Variants in KIF1B observed in about 807,000 individuals in gnomAD.
KIF1B encodes the protein kinesin-like protein KIF1B.
KIF1B carries 76 observed loss-of-function variants against 241.9 expected under a neutral mutation model. The ratio of observed to expected loss-of-function variants is 0.31; its 90% CI spans 0.26 to 0.38. The LOEUF is 0.38. KIF1B is among the 10% of genes least tolerant of loss of function. KIF1B has a pLI of 1.00. For synonymous variants in KIF1B, 750 were observed against 796.7 expected (o/e 0.94, Z 0.99); for missense variants, 1,622 against 2,271.4 (o/e 0.71, Z 5.81).
Position 10,367,583 on chromosome 1 carries a change from G to T in KIF1B, c.4753-884G>T, listed in dbSNP as rs556168245. ...GGAGTCTTGCTCTGTGGCCCACGCTGGAGTGCAGTGGTGCGATCTCGGCTC... is the reference window on the plus strand; with the variant it reads ...GGAGTCTTGCTCTGTGGCCCACGCTTGAGTGCAGTGGTGCGATCTCGGCTC... On this transcript the variant is annotated intron_variant, in intron 43 of 48. Coordinates refer to ENST00000676179, the MANE Select transcript of KIF1B (RefSeq NM_001365951.3). Among the ~76,000 whole-genome samples the T allele has an allele frequency of 1.3e-4, 19 of 150,358 alleles. No individual in the cohort carries two copies. In the South Asian group the frequency reaches 4.0e-3, roughly 32 times the overall value.
At chr1:10,339,267 G>GA (rs921761656) in intron 31 of KIF1B, among the ~76,000 whole-genome samples, 1 of 152,034 alleles carries the variant, frequency 6.6e-6, no homozygotes, top group Non-Finnish European at 1.5e-5. Flanking sequence ...TGCTATTAAG[G>GA]AAAAAAACAT....
intron 22 of KIF1B, among the ~76,000 whole-genome samples, chr1:10,313,756 T>TA (rs1301901192): frequency 2.0e-5 from 3 of 150,898 alleles, no homozygotes; most frequent in Admixed American, 1.3e-4. Flanking sequence ...TTCACCGTGT[T>TA]AGCCAGGATG....
chr1:10,375,960 C>A (rs926566140), intron 48 of KIF1B, among the ~76,000 whole-genome samples: 2 of 150,188 alleles, frequency 1.3e-5, no homozygotes, highest in Admixed American at 1.3e-4. Flanking sequence ...CCACACCCAG[C>A]TAATTTTTTT....
intron 5 of KIF1B, among the ~76,000 whole-genome samples, chr1:10,265,239 TATTTATTTA>T (rs1557675123): frequency 1.6e-5 from 2 of 122,290 alleles, no homozygotes; most frequent in African/African-American, 5.4e-5. Context: ...TTTATTTATT[TATTTATTTA>T]TTTTTAGAGA....
intron 23 of KIF1B, 46 bp downstream of exon 23, chr1:10,320,182 T>A: frequency 1.5e-6 from 2 of 1,303,518 alleles, no homozygotes; most frequent in Non-Finnish European, 2.2e-6. Context: ...CTTTTTGAAG[T>A]TATATTATCA....
intron 22 of KIF1B, among the ~76,000 whole-genome samples, chr1:10,308,809 CT>C (rs1278418657): frequency 1.3e-5 from 2 of 152,194 alleles, no homozygotes; most frequent in Admixed American, 1.3e-4. Context: ...TAAGTGAGAT[CT>C]TTCAGCCCTA....
intron 28 of KIF1B, among the ~76,000 whole-genome samples, chr1:10,335,839 T>C (rs1299486527): frequency 7.7e-6 from 1 of 130,260 alleles, no homozygotes; most frequent in Non-Finnish European, 1.7e-5. Flanking sequence ...TAAAAAACAA[T>C]TGAAAAAAAA....
rs1638539661 is a variant in KIF1B at position 10,365,383 on chromosome 1, T to C, written c.4513-26T>C. ...AGGTCTTAACGAGCTTTGTGTTTGCTATAGCAGTAGTATTGATCTTCTCAG... is the reference window on the plus strand; with the variant it reads ...AGGTCTTAACGAGCTTTGTGTTTGCCATAGCAGTAGTATTGATCTTCTCAG... On this transcript the variant is annotated intron_variant, in intron 42 of 48. Transcript: ENST00000676179. This position sits in a 1 kb window ranked among gnomAD's most constrained non-coding sequence, Gnocchi z 4.0. The C allele has an allele frequency of 6.2e-7, 1 of 1,614,208 alleles. No homozygotes were observed. Among genetic ancestry groups the C allele is most frequent in the Non-Finnish European group, 8.5e-7 (1 of 1,180,040 alleles).
chr1:10,289,855 G>A (rs1649901134), intron 15 of KIF1B, among the ~76,000 whole-genome samples: 2 of 152,148 alleles, frequency 1.3e-5, no homozygotes, highest in African/African-American at 4.8e-5. Context: ...CTGTACGCTA[G>A]CCTGGATGAC....
chr1:10,234,611 T>C (rs143444351), intron 2 of KIF1B, among the ~76,000 whole-genome samples: 16 of 152,034 alleles, frequency 1.1e-4, no homozygotes, highest in African/African-American at 3.9e-4. Context: ...AGCCTTGACC[T>C]TCCAGGCTCA....
At chr1:10,220,221 A>T (rs1219502911) in intron 1 of KIF1B, among the ~76,000 whole-genome samples, 1 of 149,914 alleles carries the variant, frequency 6.7e-6, no homozygotes, top group African/African-American at 2.4e-5. Context: ...AAAAAAAAAA[A>T]TTAGGTAGGT....
At position 10,375,349 on chromosome 1, in the gene KIF1B, A is replaced by G; in HGVS notation, c.5384A>G (p.Asn1795Ser). The G allele has an allele frequency of 6.2e-7, 1 of 1,613,710 alleles. No individual in the cohort carries two copies. Among genetic ancestry groups the G allele is most frequent in the East Asian group, 2.2e-5 (1 of 44,880 alleles). ...KDMNDWLYAF[N>S]PLLAGTIRSK... is the part of the protein sequence containing the mutation. ...ATGAACGACTGGTTGTATGCCTTCA[A>G]CCCACTTCTAGCTGGCACAATACGG... The change falls in exon 48 of 49, where the codon AAC becomes AGC. Residue 1795 changes from asparagine (N) to serine (S), a missense_variant. Asn to Ser is a conservative substitution (Grantham distance 46, BLOSUM62 1). This residue lies in a region of KIF1B where 357 missense variants were observed against 409.0 expected (regional missense o/e 0.87). Coordinates refer to ENST00000676179, the MANE Select transcript of KIF1B (RefSeq NM_001365951.3).
chr1:10,306,887 T>G, intron 22 of KIF1B: 1 of 1,046,964 alleles, frequency 9.6e-7, no homozygotes, highest in Non-Finnish European at 1.2e-6. Context: ...ATTTTCATTC[T>G]TACAGTGGTC....
At chr1:10,304,635 A>C in intron 22 of KIF1B, 1 of 1,613,950 alleles carries the variant, frequency 6.2e-7, no homozygotes, top group South Asian at 1.1e-5. Flanking sequence ...CTGGTCGAGA[A>C]ACCACAGTAT....
In KIF1B at chr1:10,322,965, G is replaced by T. The variant is rs182740640; in HGVS notation, c.2359-919G>T. ...ACTTTTTTTTATGAGATAGGATCTGGCTCTGTCGCCCAGGCTGGAGTACAG... is the reference window on the plus strand; with the variant it reads ...ACTTTTTTTTATGAGATAGGATCTGTCTCTGTCGCCCAGGCTGGAGTACAG... On this transcript the variant is annotated intron_variant, in intron 24 of 48. Transcript: ENST00000676179. Among the ~76,000 whole-genome samples, 25 of 152,142 alleles carry T rather than the reference G, an allele frequency of 1.6e-4. No homozygotes were observed. In the South Asian group the frequency reaches 4.6e-3, roughly 28 times the overall value.
intron 1 of KIF1B, among the ~76,000 whole-genome samples, chr1:10,231,189 G>A (rs1247896651): frequency 6.6e-6 from 1 of 152,048 alleles, no homozygotes; most frequent in Non-Finnish European, 1.5e-5. Context: ...CAGCCTGGGC[G>A]ACAAGAGCAA....
intron 23 of KIF1B, among the ~76,000 whole-genome samples, chr1:10,320,379 T>A (rs1258885512): frequency 6.6e-6 from 1 of 152,112 alleles, no homozygotes; most frequent in African/African-American, 2.4e-5. Context: ...CTGAGCACGT[T>A]CATTTAAATC....
intron 3 of KIF1B, among the ~76,000 whole-genome samples, chr1:10,257,338 G>A (rs1470486096): frequency 6.6e-6 from 1 of 150,906 alleles, no homozygotes; most frequent in Non-Finnish European, 1.5e-5. Flanking sequence ...GGTGGGCTTG[G>A]TGGCGGGTGC....
At chr1:10,304,407 C>T (rs766794209) in intron 22 of KIF1B, 9 of 1,614,010 alleles carry the variant, frequency 5.6e-6, no homozygotes, top group Non-Finnish European at 6.8e-6. Context: ...AGTCATTAAA[C>T]TCCCACAGTG....
Sources: gnomAD v4.1 joint callset for allele counts (sites outside exome capture counted in the v4.1 genomes callset) on GRCh38, gnomAD v4.1.1 for gene constraint, gnomAD v4.1.1 regional missense constraint, Gnocchi (gnomAD v3.1) non-coding constraint, MANE v1.5 for transcripts, NCBI Gene and HGNC (gene_info 2026-07-23, HGNC 2026-07-21) for gene names.